MBOAT1: variants seen among roughly 807,000 people sequenced by gnomAD.
The protein encoded by MBOAT1 is membrane bound glycerophospholipid O-acyltransferase 1, also known as membrane-bound glycerophospholipid O-acyltransferase 1.
MBOAT1 carries 67 observed loss-of-function variants against 64.4 expected under a neutral mutation model. The ratio of observed to expected loss-of-function variants is 1.04; its 90% confidence interval spans 0.85 to 1.27. The LOEUF is 1.27. Ranked by LOEUF, MBOAT1 falls within the 50% of genes most tolerant of loss-of-function variation. MBOAT1 has a pLI of 0.00. For synonymous variants in MBOAT1, 229 were observed against 218.9 expected (o/e 1.05, Z -0.41); for missense variants, 563 against 604.6 (o/e 0.93, Z 0.72).
chr6:20,132,651 T>A (rs1386344690), intron 4 of MBOAT1, among the ~76,000 whole-genome samples: 1 of 152,212 alleles, frequency 6.6e-6, no homozygotes, highest in Non-Finnish European at 1.5e-5. Context: ...TATAAATCTT[T>A]GTGACTTCAG....
chr6:20,142,758 G>A (rs559500339), intron 4 of MBOAT1, among the ~76,000 whole-genome samples: 71 of 152,270 alleles, frequency 4.7e-4, no homozygotes, highest in Middle Eastern at 3.4e-3. Flanking sequence ...CCTGCATATT[G>A]TTAAAAAACA....
intron 1 of MBOAT1, among the ~76,000 whole-genome samples, chr6:20,170,306 C>T (rs113794980): frequency 2.2e-4 from 33 of 152,256 alleles, no homozygotes; most frequent in African/African-American, 7.9e-4. Flanking sequence ...AGCATATAGC[C>T]CAATGCCTAC....
At chr6:20,186,198 CAATGATTTGGGAGGAA>C (rs1205777730) in intron 1 of MBOAT1, among the ~76,000 whole-genome samples, 4 of 152,074 alleles carry the variant, frequency 2.6e-5, no homozygotes, top group Non-Finnish European at 2.9e-5. Context: ...ATCAGTCAGT[CAATGATTTGGGAGGAA>C]AACAATGGGA....
intron 10 of MBOAT1, among the ~76,000 whole-genome samples, chr6:20,114,817 G>C (rs1392213039): frequency 6.6e-6 from 1 of 151,444 alleles, no homozygotes; most frequent in Non-Finnish European, 1.5e-5. Flanking sequence ...CCGGGAGGCA[G>C]AGGTTGCAAT....
At chr6:20,109,888 A>G (rs1408134810) in intron 11 of MBOAT1, 139 bp from the exon 12 acceptor site, 1 of 727,408 alleles carries the variant, frequency 1.4e-6, no homozygotes, top group African/African-American at 1.8e-5. Flanking sequence ...TTTCGACTAC[A>G]AATACCATCA....
chr6:20,151,112 C>A, intron 3 of MBOAT1, 73 bp downstream of exon 3: 1 of 1,116,328 alleles, frequency 9.0e-7, no homozygotes, highest in Non-Finnish European at 1.3e-6. Flanking sequence ...TCCATCTTTA[C>A]ACTGGAAATA....
At chr6:20,150,126 T>C (rs1761447067) in intron 3 of MBOAT1, among the ~76,000 whole-genome samples, 1 of 152,126 alleles carries the variant, frequency 6.6e-6, no homozygotes, top group African/African-American at 2.4e-5. Context: ...ACAGAGACCA[T>C]GCAAAACAGA....
chr6:20,123,142 A>AT (rs960566636), intron 8 of MBOAT1, among the ~76,000 whole-genome samples: 6 of 150,528 alleles, frequency 4.0e-5, no homozygotes, highest in African/African-American at 7.3e-5. Context: ...AAAAATTATA[A>AT]TTTTTTTTAA....
At chr6:20,205,738 C>T (rs546241039) in intron 1 of MBOAT1, among the ~76,000 whole-genome samples, 2 of 152,102 alleles carry the variant, frequency 1.3e-5, no homozygotes, top group African/African-American at 2.4e-5. Context: ...CATTCAATGC[C>T]CTCAGACTGC....
At chr6:20,105,047 G>A (rs982929903) in intron 12 of MBOAT1, among the ~76,000 whole-genome samples, 7 of 152,310 alleles carry the variant, frequency 4.6e-5, no homozygotes, top group African/African-American at 7.2e-5. Context: ...ATTATTGAGA[G>A]TGGAAAAAGT....
At chr6:20,103,229 A>G (rs556084155) in intron 12 of MBOAT1, among the ~76,000 whole-genome samples, 1 of 152,168 alleles carries the variant, frequency 6.6e-6, no homozygotes, top group Admixed American at 6.5e-5. Context: ...ATGGAACAAG[A>G]TGTGGAGGTG....
In MBOAT1 at chr6:20,109,901, A is replaced by ATTTTTTTTTTTTTTTTTTTTTTTTT. The variant is rs756853889; in HGVS notation, c.1210-153_1210-152insAAAAAAAAAAAAAAAAAAAAAAAAA. On this transcript the variant is annotated intron_variant, in intron 11 of 12. Coordinates refer to ENST00000324607, the MANE Select transcript of MBOAT1 (RefSeq NM_001080480.3). Reference sequence around the variant, plus strand: ...ATTTTCGACTACAAATACCATCAGGACTTTTTTTTTTTTTTTTTTTTTTTT... The same window carrying ATTTTTTTTTTTTTTTTTTTTTTTTT: ...ATTTTCGACTACAAATACCATCAGGATTTTTTTTTTTTTTTTTTTTTTTTTCTTTTTTTTTTTTTTTTTTTTTTTT... 8 of 296,680 alleles carry ATTTTTTTTTTTTTTTTTTTTTTTTT rather than the reference A, an allele frequency of 2.7e-5. 1 individual carries two copies. Among genetic ancestry groups the ATTTTTTTTTTTTTTTTTTTTTTTTT allele is most frequent in the African/African-American group, 2.6e-5 (1 of 38,046 alleles). The allele number at this position is 296,680 out of a possible 1,614,324, so 18.4% of individuals were successfully genotyped here.
chr6:20,118,328 G>T, intron 9 of MBOAT1, 109 bp downstream of exon 9: 1 of 841,430 alleles, frequency 1.2e-6, no homozygotes, highest in Non-Finnish European at 1.9e-6. Context: ...AATTCCCTGA[G>T]AGCAGCTTTT....
At chr6:20,207,695 T>C (rs1536580) in intron 1 of MBOAT1, among the ~76,000 whole-genome samples, 112,378 of 152,144 alleles carry the variant, frequency 0.74, 41,930 homozygotes, top group East Asian at 0.89. Flanking sequence ...TCAAATTAGT[T>C]TGGAATTAAG....
chr6:20,118,996 A>ATT (rs1162753999), intron 8 of MBOAT1, among the ~76,000 whole-genome samples: 12 of 152,212 alleles, frequency 7.9e-5, no homozygotes, highest in Admixed American at 6.5e-5. Context: ...ATAGCAGGGC[A>ATT]TTACCTAAGA....
At chr6:20,204,602 G>C (rs1294251615) in intron 1 of MBOAT1, among the ~76,000 whole-genome samples, 1 of 152,204 alleles carries the variant, frequency 6.6e-6, no homozygotes, top group Non-Finnish European at 1.5e-5. Context: ...GACGAGGAGA[G>C]GATTTTAGGG....
chr6:20,115,190 T>G, intron 10 of MBOAT1, 98 bp downstream of exon 10: 7 of 853,348 alleles, frequency 8.2e-6, no homozygotes, highest in Non-Finnish European at 1.4e-5. Context: ...GAGTGTCAGA[T>G]GACATTGCCA....
At chr6:20,183,154 C>A (rs1176153175) in intron 1 of MBOAT1, among the ~76,000 whole-genome samples, 1 of 152,150 alleles carries the variant, frequency 6.6e-6, no homozygotes, top group Non-Finnish European at 1.5e-5. Flanking sequence ...AGGCACCTGG[C>A]AGGCTGCCCT....
chr6:20,181,024 CCAAT>C (rs747319300), intron 1 of MBOAT1, among the ~76,000 whole-genome samples: 95 of 152,272 alleles, frequency 6.2e-4, no homozygotes, highest in Non-Finnish European at 1.2e-3. Flanking sequence ...TTACCTTGAG[CCAAT>C]CAGTTTCAGG....
Sources: allele counts gnomAD v4.1 joint callset (sites outside exome capture counted in the v4.1 genomes callset), GRCh38; gene constraint gnomAD v4.1.1; transcripts MANE v1.5; gene names NCBI Gene and HGNC (gene_info 2026-07-23, HGNC 2026-07-21).